The following COG1 variants were observed in gnomAD, a reference collection of about 807,000 sequenced individuals.
The protein encoded by COG1 is component of oligomeric golgi complex 1, also known as conserved oligomeric Golgi complex subunit 1.
In COG1, 61 loss-of-function variants were observed where a neutral mutation model predicts 102.2. The ratio of observed to expected loss-of-function variants is 0.60; its 90% confidence interval spans 0.49 to 0.74. The LOEUF is 0.74. Among genes scored for constraint, COG1 ranks in the 30% least tolerant of loss-of-function variants. The pLI, the probability that COG1 is intolerant of heterozygous loss-of-function variation, is 0.00. For missense variants in COG1, 1,164 were observed against 1,232.1 expected (o/e 0.94, Z 0.83); for synonymous variants, 454 against 493.6 (o/e 0.92, Z 1.06).
In COG1 at chr17:73,205,557, A is replaced by G. The variant is rs535990797; in HGVS notation, c.2387A>G (p.Glu796Gly). The change falls in exon 10 of 14, where the codon GAA becomes GGA. Residue 796 changes from glutamate (E) to glycine (G), a missense_variant. By Grantham distance (98) the Glu-to-Gly change is moderately conservative (BLOSUM62 -2). Coordinates refer to ENST00000299886, the MANE Select transcript of COG1 (RefSeq NM_018714.3). ...GGACTGGGAATTCATTTGCAGAAAG[A>G]AGGTGCATTTCCAGTCACCCAGAAC... is the stretch of plus-strand genomic sequence containing the variant. ...KLSEEKQIKK[E>G]GAFPVTQNRA... The G allele has an allele frequency of 1.2e-6, 2 of 1,614,148 alleles. No individual in the cohort carries two copies. The highest frequency in any genetic ancestry group is 2.2e-5 in the South Asian group (2 of 91,082).
intron 6 of COG1, 126 bp from the exon 7 acceptor site, chr17:73,200,983 A>G (rs2061344555): frequency 2.0e-6 from 2 of 992,586 alleles, no homozygotes; most frequent in African/African-American, 3.2e-5. Flanking sequence ...TTCTCTGCCA[A>G]CACCATGCCA....
chr17:73,201,378 C>T lies in COG1; in HGVS notation c.1551C>T (p.Phe517=). The change falls in exon 7 of 14, where the codon TTC becomes TTT. Residue 517 remains phenylalanine (F), a synonymous_variant. Transcript: ENST00000299886. ...AQAISPCVQN[F]CSALDSKLKV... ...CCATCAGCCCTTGTGTACAGAACTT[C>T]TGTTCTGCCCTGGATTCTAAGCTGA... 2 of 1,614,240 alleles carry T rather than the reference C, an allele frequency of 1.2e-6. No homozygotes were observed. Among genetic ancestry groups the T allele is most frequent in the Non-Finnish European group, 1.7e-6 (2 of 1,180,046 alleles).
chr17:73,201,347 C>T lies in COG1; in HGVS notation c.1520C>T (p.Ala507Val). The change falls in exon 7 of 14, where the codon GCA (alanine) becomes GTA (valine). Residue 507 changes from alanine to valine, a missense_variant. Physicochemically the swap from Ala to Val is moderately conservative, Grantham distance 64 (BLOSUM62 0). Coordinates refer to ENST00000299886, the MANE Select transcript of COG1 (RefSeq NM_018714.3). ...QFASSGLSMKAQAISPCVQNF... is the reference protein window; with the variant it reads ...QFASSGLSMKVQAISPCVQNF... ...GCCAGTAGCGGCCTCTCCATGAAAG[C>T]ACAAGCCATCAGCCCTTGTGTACAG... The T allele has an allele frequency of 6.2e-7, 1 of 1,614,240 alleles. No homozygotes were observed. Among genetic ancestry groups the T allele is most frequent in the Non-Finnish European group, 8.5e-7 (1 of 1,180,040 alleles).
At chr17:73,201,037 C>T (rs1460110842) in intron 6 of COG1, 72 bp from the exon 7 acceptor site, 2 of 1,368,708 alleles carry the variant, frequency 1.5e-6, no homozygotes, top group Non-Finnish European at 2.1e-6. Context: ...GGATAAATTA[C>T]CATTTGGTAC....
At chr17:73,196,231 A>G (rs891896396) in intron 1 of COG1, among the ~76,000 whole-genome samples, 1 of 151,992 alleles carries the variant, frequency 6.6e-6, no homozygotes, top group African/African-American at 2.4e-5. Flanking sequence ...ATAATCCCCA[A>G]TGTTGGAGGT....
intron 2 of COG1, 39 bp from the exon 3 acceptor site, chr17:73,196,861 T>G (rs1203040213): frequency 3.1e-6 from 5 of 1,613,910 alleles, no homozygotes; most frequent in Non-Finnish European, 3.4e-6. Flanking sequence ...ACCCAAGATG[T>G]GAAAAACACC....
chr17:73,194,926 A>G (rs1009390911), intron 1 of COG1, among the ~76,000 whole-genome samples: 6 of 152,248 alleles, frequency 3.9e-5, no homozygotes, highest in Admixed American at 2.6e-4. Context: ...TGTTCATGCT[A>G]TCTGAGCTTT....
Position 73,201,287 on chromosome 17 carries a change from C to A in COG1, c.1460C>A (p.Ala487Glu). ...SESPNDLPSD[A>E]AWVSVANRGQ... ...AGTCCTAATGACCTGCCTTCCGATG[C>A]GGCCTGGGTCAGCGTGGCAAACCGG... Residue 487 changes from alanine to glutamate, a missense_variant, in exon 7 of 14, where the codon GCG (alanine) becomes GAG (glutamate). Physicochemically the swap from Ala to Glu is moderately radical, Grantham distance 107. Transcript: ENST00000299886. The A allele has an allele frequency of 6.2e-6, 10 of 1,614,232 alleles. No homozygotes were observed. The highest frequency in any genetic ancestry group is 8.5e-6 in the Non-Finnish European group (10 of 1,180,036).
chr17:73,207,946 A>G (rs78674872), intron 13 of COG1: 1 of 1,207,244 alleles, frequency 8.3e-7, no homozygotes, highest in Admixed American at 3.8e-5. Flanking sequence ...AAAAAAAAAA[A>G]AGCTCTTGCA....
At chr17:73,207,415 A>C in intron 13 of COG1, 159 bp downstream of exon 13, 1 of 778,056 alleles carries the variant, frequency 1.3e-6, no homozygotes, top group Non-Finnish European at 2.2e-6. Context: ...ACAAGGTTTT[A>C]CTAGCTTGAG....
chr17:73,193,572 T>C (rs1279685658), intron 1 of COG1, among the ~76,000 whole-genome samples, 188 bp downstream of exon 1: 5 of 152,194 alleles, frequency 3.3e-5, no homozygotes, highest in Admixed American at 3.3e-4. Flanking sequence ...CTTGCACATA[T>C]GCGGCTGCTG....
intron 4 of COG1, among the ~76,000 whole-genome samples, chr17:73,197,899 G>T (rs1031584109): frequency 6.6e-6 from 1 of 152,238 alleles, no homozygotes; most frequent in Non-Finnish European, 1.5e-5. Context: ...GCCCAGCCTT[G>T]TGAGCGAGGC....
chr17:73,208,292 T>G, intron 13 of COG1, 22 bp from the exon 14 acceptor site: 1 of 1,612,664 alleles, frequency 6.2e-7, no homozygotes, highest in Non-Finnish European at 8.5e-7. Flanking sequence ...TCTAAGGCAC[T>G]TTTCTCTACA....
Position 73,197,326 on chromosome 17 carries a change from GC to G in COG1, c.845del (p.Pro282GlnfsTer34), listed in dbSNP as rs2061329670. ...TCTACACTTTGCCAGAAGGACTGCTGCCAGATCCAGCCCTGCCATGTGGCTT... is the reference window on the plus strand; with the variant it reads ...TCTACACTTTGCCAGAAGGACTGCTGCAGATCCAGCCCTGCCATGTGGCTT... ...LFYTLPEGLLPDPALPCGLLF... is the reference protein window; with the variant it reads ...LFYTLPEGLLXDPALPCGLLF... On this transcript the variant is annotated frameshift_variant, in exon 4 of 14. Transcript: ENST00000299886. LOFTEE classifies it high-confidence loss of function. 6.2e-7 allele frequency: 1 copy of G among 1,614,198 alleles called. No homozygotes were observed. The highest frequency in any genetic ancestry group is 2.2e-5 in the East Asian group (1 of 44,882).
chr17:73,195,039 C>T (rs1292923312), intron 1 of COG1, among the ~76,000 whole-genome samples: 1 of 152,226 alleles, frequency 6.6e-6, no homozygotes, highest in African/African-American at 2.4e-5. Flanking sequence ...CCTCCCAAAG[C>T]TAACATTTAG....
chr17:73,206,065 A>T, intron 10 of COG1, 89 bp from the exon 11 acceptor site: 1 of 1,103,768 alleles, frequency 9.1e-7, no homozygotes, highest in South Asian at 1.3e-5. Flanking sequence ...ATAAAACCCA[A>T]CTCCAAGATT....
At chr17:73,202,134 G>A (rs907252432) in intron 7 of COG1, among the ~76,000 whole-genome samples, 9 of 151,176 alleles carry the variant, frequency 6.0e-5, no homozygotes, top group African/African-American at 1.2e-4. Flanking sequence ...TCAGGAGATC[G>A]AGACCATCCT....
intron 8 of COG1, 160 bp from the exon 9 acceptor site, chr17:73,203,472 C>G: frequency 1.1e-6 from 1 of 884,080 alleles, no homozygotes. Context: ...TGCACTTAAC[C>G]AGGGGCCTTG....
intron 12 of COG1, 160 bp from the exon 13 acceptor site, chr17:73,207,021 A>G: frequency 1.4e-6 from 1 of 704,398 alleles, no homozygotes; most frequent in East Asian, 2.9e-5. Flanking sequence ...TGAACCCAGG[A>G]GGCGGAGCTT....
Sources: allele counts gnomAD v4.1 joint callset (sites outside exome capture counted in the v4.1 genomes callset), GRCh38; gene constraint gnomAD v4.1.1; transcripts MANE v1.5; gene names NCBI Gene and HGNC (gene_info 2026-07-23, HGNC 2026-07-21).